RAD9A: variants seen among roughly 807,000 people sequenced by gnomAD.
The protein encoded by RAD9A is RAD9 checkpoint clamp component A, also known as cell cycle checkpoint control protein RAD9A.
Under a neutral mutation model 41.2 loss-of-function variants are expected in RAD9A, and 25 were observed. The observed-to-expected ratio is 0.61, with a 90% CI of 0.44 to 0.85. The LOEUF is 0.85. Among genes scored for constraint, RAD9A ranks in the 40% least tolerant of loss-of-function variants. RAD9A has a pLI of 0.00. For missense variants in RAD9A, 514 were observed against 518.3 expected (o/e 0.99, Z 0.08); for synonymous variants, 252 against 210.6 (o/e 1.20, Z -1.70).
At position 67,392,088 on chromosome 11, in the gene RAD9A, G is replaced by A. The variant is rs1261228319; in HGVS notation, c.34+10G>A. On this transcript the variant is annotated intron_variant, in intron 1 of 10. Coordinates refer to ENST00000307980, the MANE Select transcript of RAD9A (RefSeq NM_004584.3). The stretch of plus-strand genomic sequence containing the variant: ...GGCGGCAACGTGAAGGGTGAGTGCA[G>A]GTCGGCCTGGCAGCGGCGGTGCAGC... 6.3e-7 allele frequency: 1 copy of A among 1,599,384 alleles called. No homozygotes were observed. Among genetic ancestry groups the A allele is most frequent in the Non-Finnish European group, 8.5e-7 (1 of 1,174,384 alleles).
At chr11:67,394,134 G>A (rs542584191) in intron 5 of RAD9A, among the ~76,000 whole-genome samples, 26 of 152,312 alleles carry the variant, frequency 1.7e-4, no homozygotes, top group African/African-American at 6.0e-4. Context: ...CTCTTGTCTG[G>A]CTTGAGTAAC....
Position 67,396,358 on chromosome 11 carries a change from C to A in RAD9A, c.830C>A (p.Ser277Tyr). 1 of 1,613,906 alleles carries A rather than the reference C, an allele frequency of 6.2e-7. No individual in the cohort carries two copies. The highest frequency in any genetic ancestry group is 8.5e-7 in the Non-Finnish European group (1 of 1,180,006). Residue 277 changes from serine to tyrosine, a missense_variant, in exon 9 of 11, where the codon TCC becomes TAC. By Grantham distance (144) the Ser-to-Tyr change is moderately radical. Coordinates refer to ENST00000307980, the MANE Select transcript of RAD9A (RefSeq NM_004584.3). ...DTDSHSQDLG[S>Y]PERHQPVPQL... is the part of the protein sequence containing the mutation. ...GACTCGCACTCCCAGGACCTGGGCT[C>A]CCCAGAGCGTCACCAGCCAGTGCCT...
rs3832777 is a variant in RAD9A, at chr11:67,397,746, C to CCT, written c.*187_*188insCT. ...TGTCCCACAGCGGTCGGGCCTGGGCCGTTATCTCCCCACAACCCCCAGCCA... is the reference window on the plus strand; with the variant it reads ...TGTCCCACAGCGGTCGGGCCTGGGCCCTGTTATCTCCCCACAACCCCCAGCCA... On this transcript the variant is annotated 3_prime_UTR_variant, in exon 11 of 11. Coordinates refer to ENST00000307980, the MANE Select transcript of RAD9A (RefSeq NM_004584.3). 0.054 allele frequency: 32,166 copies of CCT among 597,476 alleles called. 1,637 individuals are homozygous for CCT. The highest frequency in any genetic ancestry group is 0.2 in the African/African-American group (10,822 of 53,530). 37.0% of individuals were successfully genotyped at this position (597,476 alleles called of 1,614,324 possible). A position where few individuals can be genotyped will look rare whatever the true frequency, so the allele number is the denominator to read the frequency against.
In RAD9A at chr11:67,396,300, G is replaced by A. The variant is rs147541507; in HGVS notation, c.772G>A (p.Gly258Ser). The A allele has an allele frequency of 1.1e-5, 18 of 1,613,828 alleles. No homozygotes were observed. Among genetic ancestry groups the A allele is most frequent in the East Asian group, 6.7e-5 (3 of 44,872 alleles). ...IFTIKDSLLD[G>S]HFVLATLSDT... ...CACCATCAAGGACTCTTTGCTGGAC[G>A]GCCACTTTGTCTTGGCCACACTCTC... Residue 258 changes from glycine to serine, a missense_variant, in exon 9 of 11, where the codon GGC becomes AGC. By Grantham distance (56) the Gly-to-Ser change is moderately conservative. Transcript: ENST00000307980.
intron 3 of RAD9A, 67 bp downstream of exon 3, chr11:67,392,849 C>CT: frequency 1.3e-6 from 2 of 1,571,748 alleles, no homozygotes; most frequent in Middle Eastern, 3.4e-4. Context: ...TGCCTCTGCC[C>CT]TGGGGTACTC....
intron 9 of RAD9A, 132 bp downstream of exon 9, chr11:67,396,532 C>A (rs992214558): frequency 8.3e-7 from 1 of 1,201,376 alleles, no homozygotes; most frequent in East Asian, 2.4e-5. Flanking sequence ...AGGCCCCAGC[C>A]CCTAACCCTA....
chr11:67,395,612 C>A, intron 5 of RAD9A, 104 bp from the exon 6 acceptor site: 1 of 859,760 alleles, frequency 1.2e-6, no homozygotes. Flanking sequence ...GCTAGGCCTG[C>A]GCACATCCGT....
chr11:67,396,300 G>T lies in RAD9A; in HGVS notation c.772G>T (p.Gly258Cys), dbSNP rs147541507. ...IFTIKDSLLD[G>C]HFVLATLSDT... Reference sequence around the variant, plus strand: ...CACCATCAAGGACTCTTTGCTGGACGGCCACTTTGTCTTGGCCACACTCTC... The same window carrying T: ...CACCATCAAGGACTCTTTGCTGGACTGCCACTTTGTCTTGGCCACACTCTC... Residue 258 changes from glycine to cysteine, a missense_variant, in exon 9 of 11, where the codon GGC (glycine) becomes TGC (cysteine). By Grantham distance (159) the Gly-to-Cys change is radical. This residue lies in a region of RAD9A where 216 missense variants were observed against 184.2 expected (regional missense o/e 1.17). Transcript: ENST00000307980. 2.5e-6 allele frequency: 4 copies of T among 1,613,946 alleles called. No individual in the cohort carries two copies. Among genetic ancestry groups the T allele is most frequent in the Admixed American group, 3.3e-5 (2 of 60,002 alleles).
intron 3 of RAD9A, 84 bp downstream of exon 3, chr11:67,392,866 T>C (rs1284971114): frequency 1.2e-5 from 18 of 1,529,362 alleles, no homozygotes; most frequent in African/African-American, 2.7e-5. Flanking sequence ...ACTCAGTAGA[T>C]GCTAAGTGGG....
Position 67,395,823 on chromosome 11 carries a change from C to T in RAD9A, c.557C>T (p.Ala186Val), listed in dbSNP as rs748023339. The T allele has an allele frequency of 1.9e-6, 3 of 1,613,580 alleles. No homozygotes were observed. Among genetic ancestry groups the T allele is most frequent in the East Asian group, 2.2e-5 (1 of 44,886 alleles). Residue 186 changes from alanine (A) to valine (V), a missense_variant and splice_region_variant, in exon 6 of 11, where the codon GCA becomes GTA. Ala to Val is a moderately conservative substitution (Grantham distance 64, BLOSUM62 0). Coordinates refer to ENST00000307980, the MANE Select transcript of RAD9A (RefSeq NM_004584.3). Reference protein sequence around the residue: ...VILRSYHEEEADSTAKAMVTE... With the variant: ...VILRSYHEEEVDSTAKAMVTE... ...CTGCGCAGCTACCACGAGGAGGAGG[C>T]AGGTGAGGGGGCTGGACGTGGCCTG...
intron 5 of RAD9A, 188 bp from the exon 6 acceptor site, chr11:67,395,528 C>T (rs1862658062): frequency 3.4e-6 from 2 of 589,134 alleles, no homozygotes; most frequent in Admixed American, 3.1e-5. Flanking sequence ...TGGTCAGGTG[C>T]CGCCTGCCAG....
rs558123931 is a variant in RAD9A at position 67,395,922 on chromosome 11, C to T, written c.570C>T (p.Ala190=). 3.1e-6 allele frequency: 5 copies of T among 1,614,186 alleles called. No homozygotes were observed. The Admixed American group carries it at 5.0e-5, about 16-fold the overall frequency. Residue 190 remains alanine, a synonymous_variant, in exon 7 of 11, where the codon GCC becomes GCT. Coordinates refer to ENST00000307980, the MANE Select transcript of RAD9A (RefSeq NM_004584.3). ...GTTCTTCCCCAACAGACAGCACTGC[C>T]AAAGCCATGGTGACTGAGATGTGCC... ...SYHEEEADST[A]KAMVTEMCLG...
chr11:67,395,107 TTTATATATGTTTAGTAGAGACG>T (rs1253521854), intron 5 of RAD9A: 1 of 152,178 alleles, frequency 6.6e-6, no homozygotes, highest in African/African-American at 2.4e-5. Context: ...GCCCGGCTAA[TTTATATATGTTTAGTAGAGACG>T]AGGTTTCACC....
In RAD9A at chr11:67,392,093, G is replaced by A; in HGVS notation, c.34+15G>A. 6.2e-7 allele frequency: 1 copy of A among 1,601,330 alleles called. No homozygotes were observed. The highest frequency in any genetic ancestry group is 8.5e-7 in the Non-Finnish European group (1 of 1,175,486). ...CAACGTGAAGGGTGAGTGCAGGTCGGCCTGGCAGCGGCGGTGCAGCAGCCG... is the reference window on the plus strand; with the variant it reads ...CAACGTGAAGGGTGAGTGCAGGTCGACCTGGCAGCGGCGGTGCAGCAGCCG... On this transcript the variant is annotated intron_variant, in intron 1 of 10. Transcript: ENST00000307980.
At position 67,396,484 on chromosome 11, in the gene RAD9A, C is replaced by T. The variant is rs1170664649; in HGVS notation, c.872+84C>T. 4.0e-6 allele frequency: 6 copies of T among 1,502,564 alleles called. No individual in the cohort carries two copies. The African/African-American group carries it at 4.1e-5, about 10-fold the overall frequency. 93.1% of individuals were successfully genotyped at this position (1,502,564 alleles called of 1,614,324 possible). On this transcript the variant is annotated intron_variant, in intron 9 of 10. Transcript: ENST00000307980. ...CTGCAACTCCTAGCTTCTGCACCTC[C>T]CCGCAATGTGTTCTCTCCCGCCCCT... is the stretch of plus-strand genomic sequence containing the variant.
At position 67,392,097 on chromosome 11, in the gene RAD9A, G is replaced by A; in HGVS notation, c.34+19G>A. On this transcript the variant is annotated intron_variant, in intron 1 of 10. Coordinates refer to ENST00000307980, the MANE Select transcript of RAD9A (RefSeq NM_004584.3). ...GTGAAGGGTGAGTGCAGGTCGGCCT[G>A]GCAGCGGCGGTGCAGCAGCCGCGGA... 1 of 1,601,764 alleles carries A rather than the reference G, an allele frequency of 6.2e-7. No individual in the cohort carries two copies. The highest frequency in any genetic ancestry group is 8.5e-7 in the Non-Finnish European group (1 of 1,175,946).
chr11:67,392,592 C>T, intron 2 of RAD9A, 62 bp from the exon 3 acceptor site: 1 of 1,598,800 alleles, frequency 6.3e-7, no homozygotes, highest in East Asian at 2.2e-5. Context: ...CAGAAGCAGC[C>T]AGAGGGCTGG....
intron 9 of RAD9A, 24 bp downstream of exon 9, chr11:67,396,424 C>T (rs1190635120): frequency 1.2e-6 from 2 of 1,611,574 alleles, no homozygotes; most frequent in Admixed American, 1.7e-5. Flanking sequence ...CCCCCAACTC[C>T]TCCTCTCTCC....
At position 67,392,033 on chromosome 11, in the gene RAD9A, C is replaced by G. The variant is rs1205287086; in HGVS notation, c.-12C>G. The G allele has an allele frequency of 1.3e-6, 2 of 1,561,312 alleles. No homozygotes were observed. The highest frequency in any genetic ancestry group is 2.3e-5 in the South Asian group (2 of 85,172). ...TGGGCAGTGTTGGCCGCTGGCGGAGCGCTGGGGCAGCATGAAGTGCCTGGT... is the reference window on the plus strand; with the variant it reads ...TGGGCAGTGTTGGCCGCTGGCGGAGGGCTGGGGCAGCATGAAGTGCCTGGT... On this transcript the variant is annotated 5_prime_UTR_variant, in exon 1 of 11. Coordinates refer to ENST00000307980, the MANE Select transcript of RAD9A (RefSeq NM_004584.3).
Sources: gnomAD v4.1 joint callset for allele counts (sites outside exome capture counted in the v4.1 genomes callset) on GRCh38, gnomAD v4.1.1 for gene constraint, gnomAD v4.1.1 regional missense constraint, MANE v1.5 for transcripts, NCBI Gene and HGNC (gene_info 2026-07-23, HGNC 2026-07-21) for gene names.